SMTN: variants seen among roughly 807,000 people sequenced by gnomAD.
The protein encoded by SMTN is smoothelin.
In SMTN, 58 loss-of-function variants were observed where a neutral mutation model predicts 102.0. The observed-to-expected ratio is 0.57, with a 90% confidence interval of 0.46 to 0.71. The LOEUF is 0.71. Ranked by LOEUF, SMTN falls within the 30% of genes least tolerant of loss-of-function variation. SMTN has a pLI of 0.00. For synonymous variants in SMTN, 478 were observed against 497.9 expected (o/e 0.96, Z 0.53); for missense variants, 1,185 against 1,241.7 (o/e 0.95, Z 0.69).
intron 1 of SMTN, among the ~76,000 whole-genome samples, chr22:31,071,678 C>T (rs2042005290): frequency 6.9e-6 from 1 of 145,766 alleles, no homozygotes; most frequent in Admixed American, 6.7e-5. Flanking sequence ...CTAGCTCTCT[C>T]TTTCTCTCTC....
chr22:31,088,646 G>C, intron 4 of SMTN, 40 bp downstream of exon 4: 1 of 1,612,276 alleles, frequency 6.2e-7, no homozygotes, highest in Non-Finnish European at 8.5e-7. Context: ...GGCAGGGCAG[G>C]TGAAGACCTG....
Position 31,090,791 on chromosome 22 carries a change from C to A in SMTN, c.866-17C>A. The A allele has an allele frequency of 6.2e-7, 1 of 1,606,012 alleles. No homozygotes were observed. The highest frequency in any genetic ancestry group is 8.5e-7 in the Non-Finnish European group (1 of 1,172,814). On this transcript the variant is annotated splice_polypyrimidine_tract_variant and intron_variant, in intron 8 of 20. Transcript: ENST00000333137. Reference sequence around the variant, plus strand: ...CTCTTTCCCCACATGGCCATCACCCCCTCCCCAACCTGCCAGACGTGGCTG... The same window carrying A: ...CTCTTTCCCCACATGGCCATCACCCACTCCCCAACCTGCCAGACGTGGCTG...
In SMTN at chr22:31,088,302, C is replaced by T. The variant is rs897033554; in HGVS notation, c.200+189C>T. ...GGAGCATGTACTGATTGTGGCGTCG[C>T]GGCCGTGCTGATGTAGCCAGCACGT... On this transcript the variant is annotated intron_variant, in intron 3 of 20. Transcript: ENST00000333137. The T allele has an allele frequency of 2.8e-5, 23 of 826,698 alleles. No individual in the cohort carries two copies. The Admixed American group carries it at 3.1e-4, about 11-fold the overall frequency. The allele number at this position is 826,698 out of a possible 1,614,324, so 51.2% of individuals were successfully genotyped here.
At chr22:31,072,697 G>T (rs922788121) in intron 1 of SMTN, among the ~76,000 whole-genome samples, 2 of 151,994 alleles carry the variant, frequency 1.3e-5, no homozygotes, top group African/African-American at 4.8e-5. Flanking sequence ...CCTGACCTCT[G>T]GTGATCTGCC....
In SMTN at chr22:31,083,248, G is replaced by A. The variant is rs11913760; in HGVS notation, c.-11G>A. On this transcript the variant is annotated 5_prime_UTR_variant, in exon 2 of 21. Transcript: ENST00000333137. ...ACCAGAAAGGAACCGACGGAGCTAG[G>A]GGCCAGCGAGATGGCGGACGAGGCC... 4,222 of 1,598,438 alleles carry A rather than the reference G, an allele frequency of 2.6e-3. 103 individuals are homozygous for A. The African/African-American group carries it at 0.051, about 19-fold the overall frequency.
intron 18 of SMTN, 171 bp downstream of exon 18, chr22:31,099,350 C>T: frequency 1.7e-6 from 1 of 603,770 alleles, no homozygotes; most frequent in Non-Finnish European, 2.9e-6. Flanking sequence ...GGACACAAGG[C>T]AAGCCCTAGA....
intron 2 of SMTN, among the ~76,000 whole-genome samples, chr22:31,084,225 G>C (rs988386972): frequency 1.7e-4 from 26 of 152,358 alleles, no homozygotes; most frequent in Non-Finnish European, 2.5e-4. Flanking sequence ...GCCTGACCTG[G>C]AGGAGGGGCC....
At chr22:31,068,401 C>G (rs907185638) in intron 1 of SMTN, 1 of 152,060 alleles carries the variant, frequency 6.6e-6, no homozygotes, top group African/African-American at 2.4e-5. Flanking sequence ...AATGTTACCC[C>G]GGGGATTCCT....
At position 31,088,961 on chromosome 22, in the gene SMTN, C is replaced by T. The variant is rs1182892311; in HGVS notation, c.463C>T (p.Gln155Ter). ...SKGLAAHRLE[Q>*]CEVPEREEQE... ...GGGGCTAGCGGCACACAGGCTGGAACAGTGTGAGGTAAGGAGGGTGGGAGA... is the reference window on the plus strand; with the variant it reads ...GGGGCTAGCGGCACACAGGCTGGAATAGTGTGAGGTAAGGAGGGTGGGAGA... The change falls in exon 6 of 21, where the codon CAG becomes TAG. Residue 155 changes from glutamine (Q) to a stop codon, truncating the protein, a stop_gained. Coordinates refer to ENST00000333137, the MANE Select transcript of SMTN (RefSeq NM_134269.3). LOFTEE classifies it high-confidence loss of function. 6.2e-7 allele frequency: 1 copy of T among 1,613,216 alleles called. No individual in the cohort carries two copies. The highest frequency in any genetic ancestry group is 8.5e-7 in the Non-Finnish European group (1 of 1,179,758).
At position 31,098,861 on chromosome 22, in the gene SMTN, G is replaced by GGGCAGTGGGGGGCGGGGCGTGATA. The variant is rs764824974; in HGVS notation, c.2333+40_2333+63dup. ...GCCGGGTGAGCTGCAGAAGTGGGCT[G>GGGCAGTGGGGGGCGGGGCGTGATA]GGCAGTGGGGGGCGGGGCGTGATAG... is the stretch of plus-strand genomic sequence containing the variant. On this transcript the variant is annotated intron_variant, in intron 17 of 20. Coordinates refer to ENST00000333137, the MANE Select transcript of SMTN (RefSeq NM_134269.3). 243 of 1,573,670 alleles carry GGGCAGTGGGGGGCGGGGCGTGATA rather than the reference G, an allele frequency of 1.5e-4. No homozygotes were observed. In the African/African-American group the frequency reaches 3.0e-3, roughly 20 times the overall value.
rs1478401920 is a variant in SMTN at position 31,083,183 on chromosome 22, C to A, written c.-76C>A. ...ATTCATGTCTGTCCCCTGCAGAATT[C>A]TCTGAGCTGGTGACAGGTGCCACAG... On this transcript the variant is annotated 5_prime_UTR_variant, in exon 2 of 21. Coordinates refer to ENST00000333137, the MANE Select transcript of SMTN (RefSeq NM_134269.3). The A allele has an allele frequency of 1.1e-5, 18 of 1,569,500 alleles. No individual in the cohort carries two copies. The highest frequency in any genetic ancestry group is 1.6e-5 in the Non-Finnish European group (18 of 1,156,928).
At chr22:31,074,163 G>A (rs1201469262) in intron 1 of SMTN, among the ~76,000 whole-genome samples, 6 of 151,936 alleles carry the variant, frequency 3.9e-5, no homozygotes, top group South Asian at 2.1e-4. Flanking sequence ...TGAGGTGGAC[G>A]GATTACTTGA....
In SMTN at chr22:31,088,921, A is replaced by G. The variant is rs771015894; in HGVS notation, c.423A>G (p.Ser141=). The G allele has an allele frequency of 6.2e-7, 1 of 1,613,902 alleles. No individual in the cohort carries two copies. Among genetic ancestry groups the G allele is most frequent in the South Asian group, 1.1e-5 (1 of 91,080 alleles). The change falls in exon 6 of 21, where the codon TCA becomes TCG. Residue 141 remains serine, a synonymous_variant. Transcript: ENST00000333137. Reference sequence around the variant, plus strand: ...ACAGCGGGCGTCCCAACAGTGGCTCAAGAGAGGACAGCAAGGGGCTAGCGG... The same window carrying G: ...ACAGCGGGCGTCCCAACAGTGGCTCGAGAGAGGACAGCAAGGGGCTAGCGG... ...RLYSGRPNSG[S]REDSKGLAAH...
intron 13 of SMTN, 98 bp from the exon 14 acceptor site, chr22:31,096,635 A>C (rs566032592): frequency 7.5e-7 from 1 of 1,332,918 alleles, no homozygotes; most frequent in African/African-American, 1.5e-5. Context: ...CTAACAAGCC[A>C]CCCTCCACCC....
intron 1 of SMTN, among the ~76,000 whole-genome samples, chr22:31,070,201 C>T (rs1368470770): frequency 1.3e-5 from 2 of 152,178 alleles, no homozygotes; most frequent in Non-Finnish European, 2.9e-5. Context: ...TTACTATGGG[C>T]CATGGGCAGG....
chr22:31,091,765 C>A lies in SMTN; in HGVS notation c.1550C>A (p.Thr517Asn). The A allele has an allele frequency of 6.2e-7, 1 of 1,612,198 alleles. No individual in the cohort carries two copies. The highest frequency in any genetic ancestry group is 8.5e-7 in the Non-Finnish European group (1 of 1,179,096). The change falls in exon 11 of 21, where the codon ACC becomes AAC. Residue 517 changes from threonine to asparagine, a missense_variant. Around this residue, in one of 2 missense-constraint regions of SMTN, gnomAD observed 1,096 missense variants for 1,112.7 expected, o/e 0.98. Coordinates refer to ENST00000333137, the MANE Select transcript of SMTN (RefSeq NM_134269.3). The part of the protein sequence containing the change: ...STITRVNSPG[T>N]LARLGSVTHV... ...ATCACCCGTGTCAACAGCCCTGGGA[C>A]CCTGGCTCGGCTGGGCAGTGTCACT...
intron 2 of SMTN, among the ~76,000 whole-genome samples, chr22:31,085,878 C>T (rs371372731): frequency 8.9e-4 from 136 of 152,318 alleles, no homozygotes; most frequent in African/African-American, 1.4e-3. Flanking sequence ...ACTGAAGCTC[C>T]GGGGGTTGTG....
At chr22:31,085,098 A>T (rs2042582942) in intron 2 of SMTN, 2 of 1,534,828 alleles carry the variant, frequency 1.3e-6, no homozygotes, top group Non-Finnish European at 1.7e-6. Context: ...ACGCCTGGGG[A>T]CTTGCACGCC....
intron 2 of SMTN, among the ~76,000 whole-genome samples, chr22:31,087,574 C>T (rs535893281): frequency 1.1e-4 from 17 of 152,224 alleles, no homozygotes; most frequent in Non-Finnish European, 2.4e-4. Context: ...ACCTTTCCCT[C>T]TAGGGACCCT....
Sources: gnomAD v4.1 joint callset for allele counts (sites outside exome capture counted in the v4.1 genomes callset) on GRCh38, gnomAD v4.1.1 for gene constraint, gnomAD v4.1.1 regional missense constraint, MANE v1.5 for transcripts, NCBI Gene and HGNC (gene_info 2026-07-23, HGNC 2026-07-21) for gene names.